Variants in HMGB1 observed in about 807,000 individuals in gnomAD.
HMGB1 encodes high mobility group protein B1.
For synonymous variants in HMGB1, 81 were observed against 84.0 expected (o/e 0.96, Z 0.19); for missense variants, 79 against 253.5 (o/e 0.31, Z 4.67).
chr13:30,487,704 T>C lies in HMGB1; in HGVS notation c.-14-24010A>G, dbSNP rs141844927. Among the ~76,000 whole-genome samples, 334 of 152,330 alleles carry C rather than the reference T, an allele frequency of 2.2e-3. 3 individuals carry two copies. The Middle Eastern group carries it at 0.024, about 11-fold the overall frequency. ...CTAAAAAAGGTTGCACCACATTTGG[T>C]ATTCCACAAAGAGGAAATGGAAAAA... On this transcript the variant is annotated intron_variant, in intron 1 of 4. Coordinates refer to the HMGB1 transcript ENST00000405805.
intron 1 of HMGB1, among the ~76,000 whole-genome samples, chr13:30,502,839 C>T (rs191470135): frequency 6.6e-6 from 1 of 151,964 alleles, no homozygotes; most frequent in Non-Finnish European, 1.5e-5. Context: ...CCATACCCGG[C>T]TAATTTTTGT....
intron 1 of HMGB1, among the ~76,000 whole-genome samples, chr13:30,479,725 AC>A (rs1357231586): frequency 6.6e-6 from 1 of 152,210 alleles, no homozygotes; most frequent in Admixed American, 6.5e-5. Context: ...TGATGATATC[AC>A]CTTTGCAAGA....
chr13:30,461,401 C>A lies in HMGB1; in HGVS notation c.604G>T (p.Asp202Tyr), dbSNP rs1467491356. 1.3e-6 allele frequency: 2 copies of A among 1,577,016 alleles called. No individual in the cohort carries two copies. Among genetic ancestry groups the A allele is most frequent in the South Asian group, 2.3e-5 (2 of 85,244 alleles). The part of the protein sequence containing the change: ...EDEEDEEEEE[D>Y]EEDEDEEEDD... The stretch of plus-strand genomic sequence containing the variant: ...TCTTCTTCATCTTCATCTTCTTCAT[C>A]TTCCTCCTCCTCCTCATCCTCTTCA... The change falls in exon 5 of 5, where the codon GAT (aspartate) becomes TAT (tyrosine). Residue 202 changes from aspartate (D) to tyrosine (Y), a missense_variant. By Grantham distance (160) the Asp-to-Tyr change is radical. Transcript: ENST00000341423.
chr13:30,460,348 GA>G lies in HMGB1; in HGVS notation c.*1008del, dbSNP rs1444448943. The G allele has an allele frequency of 6.6e-6, 1 of 151,010 alleles. No homozygotes were observed. Among genetic ancestry groups the G allele is most frequent in the African/African-American group, 2.4e-5 (1 of 40,970 alleles). 9.4% of individuals were successfully genotyped at this position (151,010 alleles called of 1,614,324 possible). ...GAGCAGTCCATATTTAGATAAATGG[GA>G]AAAGACATCTATAGCCAGCATTTTC... On this transcript the variant is annotated 3_prime_UTR_variant, in exon 5 of 5. Coordinates refer to ENST00000341423, the MANE Select transcript of HMGB1 (RefSeq NM_002128.7).
At chr13:30,480,891 T>C (rs183560081) in intron 1 of HMGB1, among the ~76,000 whole-genome samples, 6 of 151,868 alleles carry the variant, frequency 4.0e-5, no homozygotes, top group African/African-American at 7.3e-5. Flanking sequence ...AAGGCACTTA[T>C]TTCAACACTT....
At chr13:30,577,956 A>G (rs1362695157) in intron 1 of HMGB1, among the ~76,000 whole-genome samples, 1 of 152,144 alleles carries the variant, frequency 6.6e-6, no homozygotes, top group Admixed American at 6.5e-5. Context: ...GAGGCTCCAT[A>G]TGAATCCCCA....
chr13:30,523,239 T>C (rs2137476963), intron 1 of HMGB1, among the ~76,000 whole-genome samples: 1 of 152,356 alleles, frequency 6.6e-6, no homozygotes, highest in Non-Finnish European at 1.5e-5. Flanking sequence ...AAATTTTGCT[T>C]ACGCTTACAT....
At chr13:30,533,653 C>T (rs936579701) in intron 1 of HMGB1, among the ~76,000 whole-genome samples, 3 of 152,160 alleles carry the variant, frequency 2.0e-5, no homozygotes, top group African/African-American at 7.2e-5. Context: ...GTGTGAGCCA[C>T]TGTGCCCGGC....
In HMGB1 at chr13:30,458,544, T is replaced by C. The variant is rs1050615959; in HGVS notation, c.*2813A>G. On this transcript the variant is annotated 3_prime_UTR_variant, in exon 5 of 5. Transcript: ENST00000341423. ...CGGGGTTTCACCACGTTAGCCAGGA[T>C]GGTCTCAATCTCCTGACCTCGTGAT... is the stretch of plus-strand genomic sequence containing the variant. The C allele has an allele frequency of 6.6e-6, 1 of 152,272 alleles. No homozygotes were observed. Among genetic ancestry groups the C allele is most frequent in the Non-Finnish European group, 1.5e-5 (1 of 68,130 alleles). 9.4% of individuals were successfully genotyped at this position (152,272 alleles called of 1,614,324 possible).
At chr13:30,608,973 T>G (rs1295843905) in intron 1 of HMGB1, among the ~76,000 whole-genome samples, 1 of 152,180 alleles carries the variant, frequency 6.6e-6, no homozygotes, top group African/African-American at 2.4e-5. Flanking sequence ...ACACGATTAA[T>G]AGGTGAGGCC....
chr13:30,461,588 G>A, intron 4 of HMGB1, 55 bp from the exon 5 acceptor site: 5 of 1,569,968 alleles, frequency 3.2e-6, no homozygotes, highest in Non-Finnish European at 4.3e-6. Flanking sequence ...ATTAAGGAAA[G>A]AAATAGAACA....
intron 1 of HMGB1, among the ~76,000 whole-genome samples, chr13:30,571,421 A>T (rs112900582): frequency 2.0e-5 from 3 of 151,886 alleles, no homozygotes; most frequent in African/African-American, 7.3e-5. Context: ...CAGCCTCCCA[A>T]GTAGCTGGGA....
At chr13:30,462,091 G>C (rs1593253406) in intron 4 of HMGB1, among the ~76,000 whole-genome samples, 1 of 152,162 alleles carries the variant, frequency 6.6e-6, no homozygotes, top group Admixed American at 6.5e-5. Context: ...TTAATTTACT[G>C]GACAGAGCAG....
intron 1 of HMGB1, 197 bp from the exon 2 acceptor site, chr13:30,463,891 C>G: frequency 2.0e-6 from 1 of 512,710 alleles, no homozygotes; most frequent in Non-Finnish European, 3.3e-6. Flanking sequence ...CAAAACAAAA[C>G]AAAAACAGTC....
intron 1 of HMGB1, among the ~76,000 whole-genome samples, chr13:30,541,185 C>T (rs1868860518): frequency 6.6e-6 from 1 of 152,140 alleles, no homozygotes; most frequent in African/African-American, 2.4e-5. Context: ...CTGACCCAAG[C>T]TAAGGGGCTG....
At chr13:30,504,262 T>C (rs1358856879) in intron 1 of HMGB1, among the ~76,000 whole-genome samples, 3 of 152,230 alleles carry the variant, frequency 2.0e-5, no homozygotes, top group African/African-American at 4.8e-5. Context: ...CCAAAACATC[T>C]GCTGTTCTTG....
intron 1 of HMGB1, among the ~76,000 whole-genome samples, chr13:30,510,145 C>T (rs1252004887): frequency 6.6e-6 from 1 of 152,196 alleles, no homozygotes; most frequent in Non-Finnish European, 1.5e-5. Flanking sequence ...TAACTGACCT[C>T]ATAGCCTCAG....
rs138245318 is a variant in HMGB1, at chr13:30,504,938, A to G, written c.-14-41244T>C. Among the ~76,000 whole-genome samples the G allele has an allele frequency of 1.2e-3, 183 of 152,206 alleles. 3 individuals are homozygous for G. The East Asian group carries it at 0.021, about 18-fold the overall frequency. On this transcript the variant is annotated intron_variant, in intron 1 of 4. Coordinates refer to the HMGB1 transcript ENST00000405805. ...AAAAATGAAGTATTAGTGTCAATTC[A>G]CAGCATTTTCAAAATACCAACGATT...
At position 30,539,643 on chromosome 13, in the gene HMGB1, A is replaced by G. The variant is rs1276709647; in HGVS notation, c.-14-75949T>C. On this transcript the variant is annotated intron_variant, in intron 1 of 4. Coordinates refer to the HMGB1 transcript ENST00000405805. The stretch of plus-strand genomic sequence containing the variant: ...AGCTCCCATCCTCTGAGGGTCCTGA[A>G]AAGGATTGGTCCTGGAGTCTTCATG... The G allele has an allele frequency of 9.8e-6, 3 of 306,388 alleles. No homozygotes were observed. The South Asian group carries it at 2.1e-4, about 21-fold the overall frequency. 19.0% of individuals were successfully genotyped at this position (306,388 alleles called of 1,614,324 possible). A position where few individuals can be genotyped will look rare whatever the true frequency, so the allele number is the denominator to read the frequency against.
Sources: gnomAD v4.1 joint callset for allele counts (sites outside exome capture counted in the v4.1 genomes callset) on GRCh38, gnomAD v4.1.1 for gene constraint, MANE v1.5 for transcripts, NCBI Gene and HGNC (gene_info 2026-07-23, HGNC 2026-07-21) for gene names.